Variants in MMEL1 observed in about 807,000 individuals in gnomAD.
The protein encoded by MMEL1 is membrane metalloendopeptidase like 1.
In MMEL1, 98 loss-of-function variants were observed where a neutral mutation model predicts 117.1. The ratio of observed to expected loss-of-function variants is 0.84; its 90% confidence interval spans 0.71 to 0.99. The LOEUF is 0.99. MMEL1 is among the 50% of genes least tolerant of loss of function. MMEL1 has a pLI of 0.00. For synonymous variants in MMEL1, 390 were observed against 415.1 expected (o/e 0.94, Z 0.74); for missense variants, 1,014 against 1,049.1 (o/e 0.97, Z 0.46).
Position 2,604,182 on chromosome 1 carries a change from C to A in MMEL1, c.916G>T (p.Val306Leu). The A allele has an allele frequency of 3.1e-6, 5 of 1,612,572 alleles. No homozygotes were observed. The highest frequency in any genetic ancestry group is 4.2e-6 in the Non-Finnish European group (5 of 1,179,810). Residue 306 changes from valine (V) to leucine (L), a missense_variant, in exon 10 of 24, where the codon GTG becomes TTG. Physicochemically the swap from Val to Leu is conservative, Grantham distance 32 (BLOSUM62 1). Coordinates refer to ENST00000378412, the MANE Select transcript of MMEL1 (RefSeq NM_033467.4). ...RDSCLVQEDM[V>L]QVLELETQLA... ...TGTGTCTCCAGCTCCAGCACCTGCA[C>A]CATGTCCTCCTGCACCAGGCAGCTG...
intron 2 of MMEL1, among the ~76,000 whole-genome samples, chr1:2,628,491 C>T (rs1638376540): frequency 6.6e-6 from 1 of 152,210 alleles, no homozygotes; most frequent in Non-Finnish European, 1.5e-5. Flanking sequence ...GTGCCTGCCA[C>T]GGTGGGAGCG....
chr1:2,626,972 A>G (rs1454982724), intron 2 of MMEL1, among the ~76,000 whole-genome samples: 1 of 152,212 alleles, frequency 6.6e-6, no homozygotes, highest in African/African-American at 2.4e-5. Flanking sequence ...CAAACCCCCA[A>G]TCCAGCCATA....
At chr1:2,593,399 C>T (rs1044782237) in intron 19 of MMEL1, among the ~76,000 whole-genome samples, 2 of 152,216 alleles carry the variant, frequency 1.3e-5, no homozygotes, top group Non-Finnish European at 2.9e-5. Flanking sequence ...GCAGGGCAGT[C>T]CCCACCGAGG....
In MMEL1 at chr1:2,591,555, G is replaced by A; in HGVS notation, c.2240+2C>T. On this transcript the variant is annotated splice_donor_variant, in intron 23 of 23. Coordinates refer to ENST00000378412, the MANE Select transcript of MMEL1 (RefSeq NM_033467.4). LOFTEE classifies it low-confidence loss of function (GC_TO_GT_DONOR). ...AGGGGGTTGTGAGCATGGGAGACTT[G>A]CCTGTACTTCAGGGGACTGTGGACG... is the stretch of plus-strand genomic sequence containing the variant. 1 of 1,613,542 alleles carries A rather than the reference G, an allele frequency of 6.2e-7. No homozygotes were observed. The highest frequency in any genetic ancestry group is 1.3e-5 in the African/African-American group (1 of 74,974).
At chr1:2,591,897 C>G in intron 22 of MMEL1, 35 bp downstream of exon 22, 1 of 1,590,996 alleles carries the variant, frequency 6.3e-7, no homozygotes, top group Non-Finnish European at 8.6e-7. Flanking sequence ...AGTGGGGAAG[C>G]ATGGGGATGG....
At chr1:2,620,781 AAAAAAAAAGCATGGGCC>A (rs891937636) in intron 2 of MMEL1, among the ~76,000 whole-genome samples, 18 of 151,492 alleles carry the variant, frequency 1.2e-4, no homozygotes, top group African/African-American at 4.1e-4. Flanking sequence ...AAATAATGAA[AAAAAAAAAGCATGGGCC>A]TTGTGGGAAG....
At chr1:2,593,200 C>T (rs1644771887) in intron 19 of MMEL1, among the ~76,000 whole-genome samples, 2 of 152,210 alleles carry the variant, frequency 1.3e-5, no homozygotes, top group Non-Finnish European at 2.9e-5. Flanking sequence ...CCATGCCACC[C>T]CCTGAGGCTA....
rs556638773 is a variant in MMEL1 at position 2,606,244 on chromosome 1, G to A, written c.750+4C>T. The A allele has an allele frequency of 7.6e-5, 123 of 1,611,282 alleles. No individual in the cohort carries two copies. The East Asian group carries it at 1.5e-3, about 20-fold the overall frequency. On this transcript the variant is annotated splice_donor_region_variant and intron_variant, in intron 8 of 23. Transcript: ENST00000378412. ...CTACCCCTGCCCACCGGCGCGGCTC[G>A]TACGTAGATGATGTGCCGGCTGGAG...
chr1:2,594,086 G>C, intron 18 of MMEL1, 153 bp from the exon 19 acceptor site: 1 of 1,077,732 alleles, frequency 9.3e-7, no homozygotes, highest in Non-Finnish European at 1.3e-6. Context: ...TGAAGACACG[G>C]AGGTTCAGAG....
At chr1:2,605,717 C>A (rs976512009) in intron 8 of MMEL1, 94 bp from the exon 9 acceptor site, 14 of 922,756 alleles carry the variant, frequency 1.5e-5, no homozygotes, top group Admixed American at 4.4e-5. Context: ...CAGGACTGTG[C>A]CCCGTGCACA....
In MMEL1 at chr1:2,590,862, G is replaced by A. The variant is rs1644674162; in HGVS notation, c.*128C>T. The A allele has an allele frequency of 1.5e-6, 1 of 681,700 alleles. No individual in the cohort carries two copies. The highest frequency in any genetic ancestry group is 2.2e-6 in the Non-Finnish European group (1 of 456,708). The allele number at this position is 681,700 out of a possible 1,614,324, so 42.2% of individuals were successfully genotyped here. A position where few individuals can be genotyped will look rare whatever the true frequency, so the allele number is the denominator to read the frequency against. On this transcript the variant is annotated 3_prime_UTR_variant, in exon 24 of 24. Coordinates refer to ENST00000378412, the MANE Select transcript of MMEL1 (RefSeq NM_033467.4). ...GCTGCACCCTAGGCCAGGCGCAGAG[G>A]CCTGGCAGGCAGGCTTGGCATGGTT...
rs376235676 is a variant in MMEL1 at position 2,592,869 on chromosome 1, G to T, written c.1965C>A (p.Tyr655Ter). ...REQSECMIYQ[Y>*]GNYSWDLADE... is the part of the protein sequence containing the mutation. ...CTGCCAGGTCCCAGGAGTAGTTGCC[G>T]TACTGGTAGATCATGCACTCTGACT... The change falls in exon 20 of 24, where the codon TAC (tyrosine) becomes TAA (stop). Residue 655 changes from tyrosine (Y) to a stop codon, truncating the protein, a stop_gained. Transcript: ENST00000378412. LOFTEE classifies it high-confidence loss of function. 1.9e-6 allele frequency: 3 copies of T among 1,613,746 alleles called. No homozygotes were observed. The highest frequency in any genetic ancestry group is 2.2e-5 in the East Asian group (1 of 44,806).
chr1:2,616,288 A>G (rs1350207285), intron 2 of MMEL1, among the ~76,000 whole-genome samples: 1 of 149,660 alleles, frequency 6.7e-6, no homozygotes, highest in Non-Finnish European at 1.5e-5. Flanking sequence ...TGTTCCAGTA[A>G]GCTGTGATTA....
chr1:2,603,555 G>A (rs984804218), intron 11 of MMEL1, among the ~76,000 whole-genome samples: 4 of 152,132 alleles, frequency 2.6e-5, no homozygotes, highest in African/African-American at 9.7e-5. Flanking sequence ...TGAGAGCCCT[G>A]GGTGGGACCC....
intron 2 of MMEL1, among the ~76,000 whole-genome samples, chr1:2,627,687 A>G (rs947611199): frequency 2.6e-5 from 4 of 152,286 alleles, no homozygotes; most frequent in Non-Finnish European, 5.9e-5. Context: ...AAATTTCTAA[A>G]TGACTTATAA....
intron 1 of MMEL1, chr1:2,629,809 C>G (rs895157285): frequency 8.3e-6 from 2 of 241,802 alleles, no homozygotes; most frequent in Non-Finnish European, 1.5e-5. Flanking sequence ...TCAAGGGACT[C>G]CTGTAGTGGA....
chr1:2,613,838 G>A (rs966413303), intron 2 of MMEL1, among the ~76,000 whole-genome samples: 1 of 152,110 alleles, frequency 6.6e-6, no homozygotes. Context: ...GAGACAGAGT[G>A]AGACCCTGTC....
chr1:2,627,076 G>A (rs571543874), intron 2 of MMEL1, among the ~76,000 whole-genome samples: 14 of 152,344 alleles, frequency 9.2e-5, no homozygotes, highest in African/African-American at 2.6e-4. Flanking sequence ...TGAGTAGCTA[G>A]TACTCATGTC....
intron 1 of MMEL1, among the ~76,000 whole-genome samples, chr1:2,630,432 C>T (rs1638489768): frequency 6.6e-6 from 1 of 152,086 alleles, no homozygotes. Context: ...ATGTGCATGA[C>T]TGCATGAGCG....
Sources: allele counts gnomAD v4.1 joint callset (sites outside exome capture counted in the v4.1 genomes callset), GRCh38; gene constraint gnomAD v4.1.1; transcripts MANE v1.5; gene names NCBI Gene and HGNC (gene_info 2026-07-23, HGNC 2026-07-21).